The following SECISBP2L variants were observed in gnomAD, a reference collection of about 807,000 sequenced individuals.
SECISBP2L encodes SECIS binding protein 2 like.
In SECISBP2L, 43 loss-of-function variants were observed where a neutral mutation model predicts 114.7. That is an observed-to-expected ratio of 0.38 (90% CI 0.29 to 0.48). The LOEUF (loss-of-function observed/expected upper bound fraction) is 0.48, where lower values mean the gene tolerates loss of function less well. Among genes scored for constraint, SECISBP2L ranks in the 20% least tolerant of loss-of-function variants. SECISBP2L has a pLI of 0.98. For synonymous variants in SECISBP2L, 451 were observed against 439.7 expected, an observed-to-expected ratio of 1.03 and a Z score of -0.32; for missense variants, 1,136 against 1,301.1, an observed-to-expected ratio of 0.87 and a Z score of 1.95.
At position 48,999,768 on chromosome 15, in the gene SECISBP2L, A is replaced by G; in HGVS notation, c.2403+65T>C. The stretch of plus-strand genomic sequence containing the variant: ...TTAAACATAACACTGGCATATGTCA[A>G]TCGAAAAATGTGCTATCTGGGGGAT... On this transcript the variant is annotated intron_variant, in intron 16 of 17. Coordinates refer to ENST00000559471, the MANE Select transcript of SECISBP2L (RefSeq NM_001193489.2). The G allele has an allele frequency of 9.6e-6, 15 of 1,560,420 alleles. No homozygotes were observed. In the South Asian group the frequency reaches 1.2e-4, roughly 12 times the overall value.
chr15:49,000,402 G>A (rs906669955), intron 15 of SECISBP2L, among the ~76,000 whole-genome samples: 2 of 152,168 alleles, frequency 1.3e-5, no homozygotes, highest in African/African-American at 2.4e-5. Flanking sequence ...CCATGCATAT[G>A]CCTACTACTA....
intron 11 of SECISBP2L, among the ~76,000 whole-genome samples, chr15:49,015,871 T>A (rs1008065404): frequency 6.6e-6 from 1 of 152,130 alleles, no homozygotes; most frequent in African/African-American, 2.4e-5. Flanking sequence ...TCAACTGACA[T>A]TTATGCAGAG....
chr15:49,007,755 C>T (rs1362240809), intron 14 of SECISBP2L, among the ~76,000 whole-genome samples: 1 of 152,088 alleles, frequency 6.6e-6, no homozygotes, highest in Admixed American at 6.6e-5. Flanking sequence ...CCAACAATTC[C>T]TCCTCTGGGC....
intron 3 of SECISBP2L, among the ~76,000 whole-genome samples, chr15:49,033,547 G>A (rs1053705592): frequency 1.3e-5 from 2 of 151,996 alleles, no homozygotes; most frequent in Admixed American, 1.3e-4. Context: ...ATATAAAAAA[G>A]CTGATCATGG....
At chr15:49,007,827 C>T (rs1206160260) in intron 14 of SECISBP2L, among the ~76,000 whole-genome samples, 1 of 152,126 alleles carries the variant, frequency 6.6e-6, no homozygotes, top group Non-Finnish European at 1.5e-5. Flanking sequence ...GGTAAAATGG[C>T]CTCAAGAGTG....
At chr15:48,997,913 T>G (rs1340387140) in intron 16 of SECISBP2L, among the ~76,000 whole-genome samples, 1 of 152,148 alleles carries the variant, frequency 6.6e-6, no homozygotes, top group East Asian at 1.9e-4. Context: ...GCATTAAAGT[T>G]GCACTTCAAT....
intron 6 of SECISBP2L, 88 bp from the exon 7 acceptor site, chr15:49,027,568 C>A: frequency 1.5e-6 from 1 of 688,852 alleles, no homozygotes; most frequent in South Asian, 2.5e-5. Context: ...GAAATTCAGT[C>A]ACTAGAAATG....
In SECISBP2L at chr15:48,989,742, A is replaced by T. The variant is rs369447613; in HGVS notation, c.*2502T>A. On this transcript the variant is annotated 3_prime_UTR_variant, in exon 18 of 18. Coordinates refer to ENST00000559471, the MANE Select transcript of SECISBP2L (RefSeq NM_001193489.2). ...ATCACTATGTTTTTTATTTCTTGTG[A>T]TGATGAACCAACCCTTACTCTTCCC... The T allele has an allele frequency of 2.0e-5, 3 of 152,192 alleles. No individual in the cohort carries two copies. Among genetic ancestry groups the T allele is most frequent in the African/African-American group, 7.2e-5 (3 of 41,448 alleles). 9.4% of individuals were successfully genotyped at this position (152,192 alleles called of 1,614,324 possible). A position where few individuals can be genotyped will look rare whatever the true frequency, so the allele number is the denominator to read the frequency against.
intron 14 of SECISBP2L, among the ~76,000 whole-genome samples, chr15:49,004,143 C>T (rs1286403927): frequency 2.0e-5 from 3 of 152,116 alleles, no homozygotes; most frequent in Non-Finnish European, 2.9e-5. Flanking sequence ...TTCAGGGATT[C>T]GACTTCTTCC....
chr15:49,035,041 TC>T (rs1902977511), intron 3 of SECISBP2L, among the ~76,000 whole-genome samples: 1 of 152,196 alleles, frequency 6.6e-6, no homozygotes, highest in Non-Finnish European at 1.5e-5. Flanking sequence ...AATGTTAGTG[TC>T]ACCATGCAAT....
chr15:48,996,695 G>T, intron 16 of SECISBP2L, 109 bp from the exon 17 acceptor site: 1 of 911,346 alleles, frequency 1.1e-6, no homozygotes, highest in Non-Finnish European at 1.7e-6. Flanking sequence ...CACTTTCAAT[G>T]AGGACAAAAT....
intron 3 of SECISBP2L, among the ~76,000 whole-genome samples, chr15:49,033,351 T>C (rs1353021427): frequency 6.6e-6 from 1 of 152,176 alleles, no homozygotes; most frequent in Non-Finnish European, 1.5e-5. Context: ...GTATGATTAA[T>C]AAATGAATTC....
At chr15:49,028,824 T>A in intron 4 of SECISBP2L, 142 bp from the exon 5 acceptor site, 1 of 707,780 alleles carries the variant, frequency 1.4e-6, no homozygotes, top group Non-Finnish European at 2.3e-6. Flanking sequence ...AAAAGGTCAT[T>A]AAAAGGTAAG....
At chr15:49,015,408 G>A (rs558692834) in intron 11 of SECISBP2L, among the ~76,000 whole-genome samples, 3 of 152,266 alleles carry the variant, frequency 2.0e-5, no homozygotes, top group African/African-American at 7.2e-5. Context: ...GAGGTTGATA[G>A]TGGATTGGTA....
intron 7 of SECISBP2L, among the ~76,000 whole-genome samples, chr15:49,024,527 C>T (rs1902703863): frequency 6.7e-6 from 1 of 149,922 alleles, no homozygotes; most frequent in South Asian, 2.1e-4. Flanking sequence ...AAGAAATCAC[C>T]AAATCACTAA....
intron 15 of SECISBP2L, 51 bp downstream of exon 15, chr15:49,000,826 T>C: frequency 1.4e-6 from 2 of 1,433,178 alleles, no homozygotes; most frequent in Non-Finnish European, 1.9e-6. Flanking sequence ...ATATTCACTG[T>C]ATATCCCACA....
intron 2 of SECISBP2L, among the ~76,000 whole-genome samples, chr15:49,036,402 T>A (rs972966498): frequency 2.0e-5 from 3 of 152,194 alleles, no homozygotes; most frequent in Admixed American, 1.3e-4. Flanking sequence ...ATTACTCCCA[T>A]GACAAAGCAA....
chr15:49,005,047 T>C (rs1902288342), intron 14 of SECISBP2L, among the ~76,000 whole-genome samples: 1 of 152,236 alleles, frequency 6.6e-6, no homozygotes, highest in Non-Finnish European at 1.5e-5. Flanking sequence ...CTCCCACTAT[T>C]GGCTGGGCGC....
Position 49,042,172 on chromosome 15 carries a change from T to C in SECISBP2L, c.24+4104A>G, listed in dbSNP as rs181021834. 2.0e-5 allele frequency among the ~76,000 whole-genome samples: 3 copies of C among 152,382 alleles called. No homozygotes were observed. The East Asian group carries it at 5.8e-4, about 29-fold the overall frequency. On this transcript the variant is annotated intron_variant, in intron 1 of 17. Coordinates refer to ENST00000559471, the MANE Select transcript of SECISBP2L (RefSeq NM_001193489.2). ...CTACTTTGTTTTTAACTTATTATTT[T>C]CTCTTTTGATTTGATGGAGTTTCCC...
Sources: gnomAD v4.1 joint callset for allele counts (sites outside exome capture counted in the v4.1 genomes callset) on GRCh38, gnomAD v4.1.1 for gene constraint, MANE v1.5 for transcripts, NCBI Gene and HGNC (gene_info 2026-07-23, HGNC 2026-07-21) for gene names.